The following MUC13 variants were observed in gnomAD, a reference collection of about 807,000 sequenced individuals.
MUC13 encodes the protein mucin 13, cell surface associated, also known as mucin-13.
In MUC13, 32 loss-of-function variants were observed where a neutral mutation model predicts 48.3. That is an observed-to-expected ratio of 0.66 (90% CI 0.50 to 0.89). The LOEUF (loss-of-function observed/expected upper bound fraction) is 0.89, where lower values mean the gene tolerates loss of function less well. Ranked by LOEUF, MUC13 falls within the 40% of genes least tolerant of loss-of-function variation. MUC13 has a pLI of 0.00. For missense variants in MUC13, 571 were observed against 622.8 expected, an observed-to-expected ratio of 0.92 and a Z score of 0.88; for synonymous variants, 199 against 224.9, an observed-to-expected ratio of 0.88 and a Z score of 1.03.
intron 6 of MUC13, 116 bp from the exon 7 acceptor site, chr3:124,913,797 C>A: frequency 8.5e-7 from 1 of 1,170,628 alleles, no homozygotes; most frequent in Non-Finnish European, 1.2e-6. Context: ...AGTTTTGGGG[C>A]CAAGTGCAGT....
At chr3:124,921,020 A>G (rs2107671056) in intron 4 of MUC13, among the ~76,000 whole-genome samples, 2 of 152,358 alleles carry the variant, frequency 1.3e-5, no homozygotes, top group Middle Eastern at 6.8e-3. Context: ...CTCTCTTTGC[A>G]CCATCTGTAA....
intron 5 of MUC13, among the ~76,000 whole-genome samples, chr3:124,919,061 G>T (rs1935550676): frequency 6.6e-6 from 1 of 152,074 alleles, no homozygotes; most frequent in South Asian, 2.1e-4. Flanking sequence ...ATTTAGGCTG[G>T]GAGTGGTGGC....
At chr3:124,906,792 C>T (rs567862400) in intron 11 of MUC13, 50 bp from the exon 12 acceptor site, 2 of 152,296 alleles carry the variant, frequency 1.3e-5, no homozygotes, top group East Asian at 3.9e-4. Flanking sequence ...AATACTCCAA[C>T]AGAAACATAT....
chr3:124,933,157 C>A (rs1278305443), intron 1 of MUC13, among the ~76,000 whole-genome samples: 4 of 152,124 alleles, frequency 2.6e-5, no homozygotes, highest in Non-Finnish European at 4.4e-5. Flanking sequence ...GAGCTTGAAA[C>A]CAGCTCTCAA....
chr3:124,931,251 T>C (rs559031047), intron 1 of MUC13, among the ~76,000 whole-genome samples: 33 of 150,896 alleles, frequency 2.2e-4, no homozygotes, highest in African/African-American at 7.8e-4. Context: ...GCCAACATGA[T>C]GAAACCCTGT....
rs1168158981 is a variant in MUC13 at position 124,905,704 on chromosome 3, C to T, written c.*1039G>A. 4 of 153,108 alleles carry T rather than the reference C, an allele frequency of 2.6e-5. No individual in the cohort carries two copies. Among genetic ancestry groups the T allele is most frequent in the African/African-American group, 9.6e-5 (4 of 41,466 alleles). 9.5% of individuals were successfully genotyped at this position (153,108 alleles called of 1,614,324 possible). A position where few individuals can be genotyped will look rare whatever the true frequency, so the allele number is the denominator to read the frequency against. ...GGCCCCAATGGCACACCTCAGAAAC[C>T]TACACCCCGAGGCTGGACGGCTGGA... is the stretch of plus-strand genomic sequence containing the variant. On this transcript the variant is annotated 3_prime_UTR_variant, in exon 12 of 12. Coordinates refer to ENST00000616727, the MANE Select transcript of MUC13 (RefSeq NM_033049.4).
At chr3:124,922,462 C>A (rs906505571) in intron 3 of MUC13, among the ~76,000 whole-genome samples, 159 bp from the exon 4 acceptor site, 3 of 152,110 alleles carry the variant, frequency 2.0e-5, no homozygotes, top group African/African-American at 7.2e-5. Context: ...TCCTGCCCAA[C>A]CTAGCACAAC....
chr3:124,933,550 C>T (rs992212662), intron 1 of MUC13, among the ~76,000 whole-genome samples: 55 of 152,180 alleles, frequency 3.6e-4, no homozygotes, highest in African/African-American at 1.3e-3. Flanking sequence ...GAATTATCTA[C>T]AAGTTCATTT....
intron 9 of MUC13, among the ~76,000 whole-genome samples, chr3:124,910,716 C>A (rs575474737): frequency 6.6e-6 from 1 of 152,172 alleles, no homozygotes; most frequent in East Asian, 1.9e-4. Context: ...GAAAGGGCAG[C>A]CCTGCCAGAC....
At chr3:124,931,902 A>G (rs1935805547) in intron 1 of MUC13, among the ~76,000 whole-genome samples, 1 of 150,434 alleles carries the variant, frequency 6.6e-6, no homozygotes, top group South Asian at 2.1e-4. Context: ...AAAATTAGCC[A>G]GGTGTGGTAG....
chr3:124,929,032 A>G (rs1935746167), intron 1 of MUC13, among the ~76,000 whole-genome samples: 1 of 152,192 alleles, frequency 6.6e-6, no homozygotes, highest in South Asian at 2.1e-4. Flanking sequence ...TACATTGACT[A>G]AGAGTAAGAT....
chr3:124,928,026 C>T (rs754367937), intron 1 of MUC13, 33 bp from the exon 2 acceptor site: 1 of 1,415,094 alleles, frequency 7.1e-7, no homozygotes, highest in South Asian at 1.4e-5. Context: ...TTTGAGGAGA[C>T]AGTACATTGA....
chr3:124,920,253 T>C lies in MUC13; in HGVS notation c.781A>G (p.Thr261Ala). The change falls in exon 5 of 12, where the codon ACT becomes GCT. Residue 261 changes from threonine (T) to alanine (A), a missense_variant. Physicochemically the swap from Thr to Ala is moderately conservative, Grantham distance 58. Coordinates refer to ENST00000616727, the MANE Select transcript of MUC13 (RefSeq NM_033049.4). ...ACTTACCTTACAGTAAGAATTACAG[T>C]CTGTCCATAAACAGATGTGCCAAAT... ...DVFGTSVYGQ[T>A]VILTVSTSLS... 1 of 1,607,020 alleles carries C rather than the reference T, an allele frequency of 6.2e-7. No homozygotes were observed. The highest frequency in any genetic ancestry group is 8.5e-7 in the Non-Finnish European group (1 of 1,175,942).
At chr3:124,923,259 G>A (rs1183979707) in intron 3 of MUC13, among the ~76,000 whole-genome samples, 1 of 152,138 alleles carries the variant, frequency 6.6e-6, no homozygotes, top group Non-Finnish European at 1.5e-5. Context: ...AGGGGGATCT[G>A]ATGTTATGGA....
In MUC13 at chr3:124,923,660, GTAGAAAGAGAT is replaced by G; in HGVS notation, c.515-22_515-12del. The G allele has an allele frequency of 6.2e-7, 1 of 1,601,276 alleles. No individual in the cohort carries two copies. Among genetic ancestry groups the G allele is most frequent in the Non-Finnish European group, 8.5e-7 (1 of 1,176,742 alleles). ...AAGGATTGCTGGGACCTTAGATGGA[GTAGAAAGAGAT>G]TAGAAATCCAGAGAAATGACAATAA... On this transcript the variant is annotated splice_polypyrimidine_tract_variant and intron_variant, in intron 2 of 11. Transcript: ENST00000616727.
intron 7 of MUC13, 49 bp downstream of exon 7, chr3:124,913,513 A>T (rs781741414): frequency 1.2e-6 from 2 of 1,611,694 alleles, no homozygotes; most frequent in Non-Finnish European, 1.7e-6. Flanking sequence ...TTGCAAAAGA[A>T]GAGAAAGTGA....
intron 6 of MUC13, among the ~76,000 whole-genome samples, chr3:124,914,371 T>C (rs1438845754): frequency 6.6e-6 from 1 of 150,984 alleles, no homozygotes; most frequent in East Asian, 2.0e-4. Context: ...GATCGTGCCA[T>C]TGCACTCCAG....
chr3:124,926,398 G>C (rs1935687462), intron 2 of MUC13, among the ~76,000 whole-genome samples: 1 of 152,194 alleles, frequency 6.6e-6, no homozygotes, highest in African/African-American at 2.4e-5. Flanking sequence ...AAGCAGAAAT[G>C]GCTTAGAAAA....
intron 8 of MUC13, among the ~76,000 whole-genome samples, chr3:124,912,499 A>G (rs1935440242): frequency 1.3e-5 from 2 of 152,132 alleles, no homozygotes; most frequent in African/African-American, 4.8e-5. Context: ...TCTGCCACTT[A>G]TTTGTTGCCC....
Sources: gnomAD v4.1 joint callset for allele counts (sites outside exome capture counted in the v4.1 genomes callset) on GRCh38, gnomAD v4.1.1 for gene constraint, MANE v1.5 for transcripts, NCBI Gene and HGNC (gene_info 2026-07-23, HGNC 2026-07-21) for gene names.